Variants in GGT7 observed in about 807,000 individuals in gnomAD.
The protein encoded by GGT7 is gamma-glutamyltransferase 7, also known as glutathione hydrolase 7.
GGT7 carries 30 observed loss-of-function variants against 69.2 expected under a neutral mutation model. That is an observed-to-expected ratio of 0.43 (90% CI 0.32 to 0.59). The LOEUF is 0.59. Ranked by LOEUF, GGT7 falls within the 20% of genes least tolerant of loss-of-function variation. The pLI is 0.05. For synonymous variants in GGT7, 388 were observed against 391.8 expected (o/e 0.99, Z 0.12); for missense variants, 733 against 901.1 (o/e 0.81, Z 2.39).
chr20:34,868,512 C>G (rs950569332), intron 1 of GGT7, among the ~76,000 whole-genome samples: 1 of 152,124 alleles, frequency 6.6e-6, no homozygotes, highest in Non-Finnish European at 1.5e-5. Flanking sequence ...GGCAGTTGGC[C>G]TAGTAGATAT....
intron 4 of GGT7, 58 bp from the exon 5 acceptor site, chr20:34,860,379 T>TG: frequency 7.7e-7 from 1 of 1,299,358 alleles, no homozygotes; most frequent in Non-Finnish European, 1.1e-6. Context: ...AGGGGGGTGC[T>TG]GGGCTGAACT....
At chr20:34,860,791 G>T (rs938424706) in intron 4 of GGT7, among the ~76,000 whole-genome samples, 22 of 151,982 alleles carry the variant, frequency 1.4e-4, no homozygotes, top group Admixed American at 6.6e-5. Context: ...TTTTTGTAGA[G>T]ACAAAGTCTC....
At position 34,851,338 on chromosome 20, in the gene GGT7, G is replaced by A. The variant is rs1473261400; in HGVS notation, c.1618C>T (p.Leu540Phe). The change falls in exon 13 of 15, where the codon CTC becomes TTC. Residue 540 changes from leucine to phenylalanine, a missense_variant. Leu to Phe is a conservative substitution (Grantham distance 22, BLOSUM62 0). Transcript: ENST00000336431. ...ACCACTGTGGGCAGCAGGAAAGAGAGTGGCCGCTTCCCTGGCTGCACTGAA... is the reference window on the plus strand; with the variant it reads ...ACCACTGTGGGCAGCAGGAAAGAGAATGGCCGCTTCCCTGGCTGCACTGAA... Reference protein sequence around the residue: ...ENSVQPGKRPLSFLLPTVVRP... With the variant: ...ENSVQPGKRPFSFLLPTVVRP... 5 of 1,613,862 alleles carry A rather than the reference G, an allele frequency of 3.1e-6. No homozygotes were observed. The highest frequency in any genetic ancestry group is 2.2e-5 in the East Asian group (1 of 44,896).
chr20:34,850,707 C>A, intron 13 of GGT7: 1 of 386,904 alleles, frequency 2.6e-6, no homozygotes, highest in Non-Finnish European at 5.2e-6. Context: ...TCCAGCATCA[C>A]ACAGTTACAA....
At chr20:34,854,498 C>T (rs1220828638) in intron 10 of GGT7, 33 bp downstream of exon 10, 1 of 1,351,246 alleles carries the variant, frequency 7.4e-7, no homozygotes, top group Middle Eastern at 1.8e-4. Context: ...CCACCGCTGC[C>T]TCTGTAGCCC....
In GGT7 at chr20:34,852,364, A is replaced by T. The variant is rs534641558; in HGVS notation, c.1469+25T>A. ...CTTGGTTCAGAGGATCCCTTGTTCC[A>T]GGTTCTGAGTCTGAGCTGGCATACC... On this transcript the variant is annotated intron_variant, in intron 11 of 14. Transcript: ENST00000336431. 19 of 1,613,686 alleles carry T rather than the reference A, an allele frequency of 1.2e-5. No individual in the cohort carries two copies. In the East Asian group the frequency reaches 4.2e-4, roughly 36 times the overall value.
At chr20:34,865,515 C>T (rs1344346613) in intron 1 of GGT7, among the ~76,000 whole-genome samples, 1 of 152,204 alleles carries the variant, frequency 6.6e-6, no homozygotes, top group Non-Finnish European at 1.5e-5. Flanking sequence ...AATGATCCCT[C>T]TGGCTACTGT....
At chr20:34,854,322 T>C (rs1258784723) in intron 10 of GGT7, among the ~76,000 whole-genome samples, 1 of 152,148 alleles carries the variant, frequency 6.6e-6, no homozygotes, top group East Asian at 1.9e-4. Context: ...CAAAAAAATT[T>C]AAGAGCCACA....
At position 34,863,308 on chromosome 20, in the gene GGT7, C is replaced by CT; in HGVS notation, c.405+4dup. 6.2e-7 allele frequency: 1 copy of CT among 1,604,180 alleles called. No individual in the cohort carries two copies. On this transcript the variant is annotated splice_donor_region_variant and intron_variant, in intron 2 of 14. Coordinates refer to ENST00000336431, the MANE Select transcript of GGT7 (RefSeq NM_178026.3). The surrounding 1 kb of genome is among the most constrained non-coding windows in gnomAD (Gnocchi z 4.4). ...TTCCTCCCCCTCCCCATTTGTCCCC[C>CT]TCACCTGGGGGTCCCCGAAGTAGAT...
intron 13 of GGT7, chr20:34,850,756 T>G: frequency 6.6e-6 from 3 of 457,618 alleles, no homozygotes; most frequent in African/African-American, 2.0e-5. Context: ...AGTGTCTGAT[T>G]CCAGAACTTA....
chr20:34,860,294 T>C lies in GGT7; in HGVS notation c.703A>G (p.Met235Val). ...TGAGCTTCATGTAGCCCCTTCACCA[T>C]TCCGGGAACCCCCACCAAGAGCCCA... ...KPGLLVGVPG[M>V]VKGLHEAHQL... The change falls in exon 5 of 15, where the codon ATG becomes GTG. Residue 235 changes from methionine to valine, a missense_variant. Physicochemically the swap from Met to Val is conservative, Grantham distance 21. Coordinates refer to ENST00000336431, the MANE Select transcript of GGT7 (RefSeq NM_178026.3). 1 of 1,613,668 alleles carries C rather than the reference T, an allele frequency of 6.2e-7. No homozygotes were observed. Among genetic ancestry groups the C allele is most frequent in the Non-Finnish European group, 8.5e-7 (1 of 1,179,850 alleles).
intron 3 of GGT7, among the ~76,000 whole-genome samples, chr20:34,861,999 C>T (rs1176280567): frequency 2.0e-5 from 3 of 152,166 alleles, no homozygotes; most frequent in Non-Finnish European, 4.4e-5. Context: ...TTTGGTACGG[C>T]TTGGAGAGCT....
rs1264190858 is a variant in GGT7 at position 34,861,141 on chromosome 20, C to T, written c.675+304G>A. On this transcript the variant is annotated intron_variant, in intron 4 of 14. Coordinates refer to ENST00000336431, the MANE Select transcript of GGT7 (RefSeq NM_178026.3). The stretch of plus-strand genomic sequence containing the variant: ...CAAGGGCTGGGAAAGTTATAGTCAA[C>T]TGGCTCAGAGTGAGATGTGTGAGTT... 2.0e-5 allele frequency among the ~76,000 whole-genome samples: 3 copies of T among 152,332 alleles called. No individual in the cohort carries two copies. The East Asian group carries it at 5.8e-4, about 29-fold the overall frequency.
In GGT7 at chr20:34,852,408, A is replaced by G. The variant is rs751303314; in HGVS notation, c.1450T>C (p.Phe484Leu). 29 of 1,614,002 alleles carry G rather than the reference A, an allele frequency of 1.8e-5. No homozygotes were observed. The highest frequency in any genetic ancestry group is 2.2e-5 in the East Asian group (1 of 44,892). The change falls in exon 11 of 15, where the codon TTC becomes CTC. Residue 484 changes from phenylalanine (F) to leucine (L), a missense_variant. Phe to Leu is a conservative substitution (Grantham distance 22). Coordinates refer to ENST00000336431, the MANE Select transcript of GGT7 (RefSeq NM_178026.3). ...GCATACCTAACCATGGCCACAATGA[A>G]GTCATCAGGTCCCATGATCAGCACC... ...AQVLIMGPDDFIVAMVSSLNQ... is the reference protein window; with the variant it reads ...AQVLIMGPDDLIVAMVSSLNQ...
intron 6 of GGT7, 93 bp from the exon 7 acceptor site, chr20:34,859,732 C>T (rs888937482): frequency 1.2e-5 from 13 of 1,100,912 alleles, no homozygotes; most frequent in African/African-American, 1.6e-5. Flanking sequence ...GGCTGAGTGG[C>T]CCACCCTAAG....
chr20:34,859,963 A>G lies in GGT7; in HGVS notation c.817+6T>C. ...TGTCTCTCCCAAATCCCCAGGCCCC[A>G]CTGACCTAGATCATGAGTCACGTTG... On this transcript the variant is annotated splice_donor_region_variant and intron_variant, in intron 6 of 14. Transcript: ENST00000336431. 1 of 1,541,092 alleles carries G rather than the reference A, an allele frequency of 6.5e-7. No homozygotes were observed. Among genetic ancestry groups the G allele is most frequent in the Non-Finnish European group, 8.8e-7 (1 of 1,134,384 alleles).
intron 10 of GGT7, 31 bp downstream of exon 10, chr20:34,854,500 C>T (rs761634061): frequency 2.2e-6 from 3 of 1,385,652 alleles, no homozygotes; most frequent in Non-Finnish European, 3.1e-6. Context: ...ACCGCTGCCT[C>T]TGTAGCCCCC....
intron 1 of GGT7, among the ~76,000 whole-genome samples, chr20:34,865,132 G>A (rs926281948): frequency 6.6e-6 from 1 of 151,692 alleles, no homozygotes; most frequent in Non-Finnish European, 1.5e-5. Context: ...CACTACTAGA[G>A]AGTTTTAAGC....
chr20:34,854,461 G>A, intron 10 of GGT7, 70 bp downstream of exon 10: 1 of 890,104 alleles, frequency 1.1e-6, no homozygotes. Context: ...TATACCAGCT[G>A]CTTTTCTCCT....
Sources: allele counts gnomAD v4.1 joint callset (sites outside exome capture counted in the v4.1 genomes callset), GRCh38; gene constraint gnomAD v4.1.1; non-coding constraint Gnocchi (gnomAD v3.1); transcripts MANE v1.5; gene names NCBI Gene and HGNC (gene_info 2026-07-23, HGNC 2026-07-21).